The following CCSER1 variants were observed in gnomAD, a reference collection of about 807,000 sequenced individuals.
CCSER1 encodes the protein coiled-coil serine rich protein 1.
Under a neutral mutation model 82.0 loss-of-function variants are expected in CCSER1, and 41 were observed. The observed-to-expected ratio is 0.50, with a 90% CI of 0.39 to 0.65. The LOEUF is 0.65. Among genes scored for constraint, CCSER1 ranks in the 30% least tolerant of loss-of-function variants. CCSER1 has a pLI of 0.00. For synonymous variants in CCSER1, 414 were observed against 383.9 expected (o/e 1.08, Z -0.92); for missense variants, 1,119 against 1,064.2 (o/e 1.05, Z -0.72).
chr4:90,491,143 C>T (rs1445977545), intron 5 of CCSER1, among the ~76,000 whole-genome samples: 4 of 148,132 alleles, frequency 2.7e-5, no homozygotes, highest in Non-Finnish European at 5.9e-5. Context: ...TTGATTCTTC[C>T]TATCCATGAG....
chr4:90,845,902 A>T (rs1302274329), intron 8 of CCSER1, among the ~76,000 whole-genome samples: 1 of 151,938 alleles, frequency 6.6e-6, no homozygotes, highest in Admixed American at 6.6e-5. Context: ...ATTCTGCAGT[A>T]CATTTCCAAG....
At chr4:91,254,744 CAT>C (rs531156996) in intron 10 of CCSER1, among the ~76,000 whole-genome samples, 20 of 152,020 alleles carry the variant, frequency 1.3e-4, no homozygotes, top group African/African-American at 4.6e-4. Flanking sequence ...TGGGGGAAAA[CAT>C]AGTTAACTTT....
At chr4:90,377,543 C>G (rs1304036618) in intron 3 of CCSER1, among the ~76,000 whole-genome samples, 4 of 151,958 alleles carry the variant, frequency 2.6e-5, no homozygotes, top group Non-Finnish European at 4.4e-5. Context: ...ACAGTGGTCT[C>G]CAAGGAAAAT....
intron 6 of CCSER1, among the ~76,000 whole-genome samples, chr4:90,638,098 ATTGT>A (rs1051943338): frequency 1.3e-5 from 2 of 152,090 alleles, no homozygotes; most frequent in African/African-American, 4.8e-5. Flanking sequence ...TGAAATTTTA[ATTGT>A]TTGACTGTGA....
intron 10 of CCSER1, among the ~76,000 whole-genome samples, chr4:91,124,459 C>G (rs1379434722): frequency 1.3e-5 from 2 of 151,772 alleles, no homozygotes; most frequent in Non-Finnish European, 3.0e-5. Context: ...TCCTCATGAA[C>G]AGTTTCCATC....
intron 10 of CCSER1, among the ~76,000 whole-genome samples, chr4:91,313,461 G>T (rs1407801383): frequency 6.6e-6 from 1 of 151,588 alleles, no homozygotes; most frequent in East Asian, 2.0e-4. Context: ...ATACTCTCAA[G>T]ATTTCAAAAC....
intron 1 of CCSER1, among the ~76,000 whole-genome samples, chr4:90,187,557 T>A (rs1578391179): frequency 6.6e-6 from 1 of 151,280 alleles, no homozygotes; most frequent in Non-Finnish European, 1.5e-5. Flanking sequence ...AATTTTAGGG[T>A]TTTTTTGAGC....
At chr4:91,344,443 A>G (rs898184870) in intron 10 of CCSER1, among the ~76,000 whole-genome samples, 7 of 152,204 alleles carry the variant, frequency 4.6e-5, no homozygotes, top group Admixed American at 3.9e-4. Context: ...ATTTCTTCCA[A>G]TTTCTGATAT....
chr4:90,533,252 T>C (rs1305520086), intron 5 of CCSER1, among the ~76,000 whole-genome samples: 9 of 151,798 alleles, frequency 5.9e-5, no homozygotes, highest in Admixed American at 5.2e-4. Flanking sequence ...CCACCACGCC[T>C]GGCAACTTTT....
chr4:90,441,953 C>T lies in CCSER1; in HGVS notation c.1604-26281C>T, dbSNP rs572585259. On this transcript the variant is annotated intron_variant, in intron 4 of 10. Transcript: ENST00000509176. The stretch of plus-strand genomic sequence containing the variant: ...CCTGTATGACTGTTATTTAACAAGA[C>T]AATTTACTTGTTAGTCCTGTGGGAT... Among the ~76,000 whole-genome samples, 4 of 152,302 alleles carry T rather than the reference C, an allele frequency of 2.6e-5. No homozygotes were observed. The South Asian group carries it at 8.3e-4, about 32-fold the overall frequency.
At chr4:91,397,304 G>GA (rs1752049842) in intron 10 of CCSER1, among the ~76,000 whole-genome samples, 2 of 151,940 alleles carry the variant, frequency 1.3e-5, no homozygotes, top group African/African-American at 4.8e-5. Context: ...ACAGATATAA[G>GA]AAACAAACCA....
At chr4:90,487,023 T>G (rs1183720781) in intron 5 of CCSER1, among the ~76,000 whole-genome samples, 1 of 152,222 alleles carries the variant, frequency 6.6e-6, no homozygotes, top group Non-Finnish European at 1.5e-5. Flanking sequence ...GCAATTCTCC[T>G]GCCTCAGCCT....
At chr4:91,106,335 A>G (rs1048054149) in intron 10 of CCSER1, among the ~76,000 whole-genome samples, 1 of 152,204 alleles carries the variant, frequency 6.6e-6, no homozygotes, top group African/African-American at 2.4e-5. Flanking sequence ...AAGCCCAGGA[A>G]GCCAGAATTC....
Position 91,307,967 on chromosome 4 carries a change from G to A in CCSER1, c.2217+221973G>A, listed in dbSNP as rs1447753362. 6.1e-5 allele frequency among the ~76,000 whole-genome samples: 4 copies of A among 65,874 alleles called. No individual in the cohort carries two copies. In the East Asian group the frequency reaches 1.2e-3, roughly 21 times the overall value. The allele number at this position is 65,874 out of a possible 152,430, so 43.2% of individuals were successfully genotyped here. A position where few individuals can be genotyped will look rare whatever the true frequency, so the allele number is the denominator to read the frequency against. ...GTTTTCCTCATGATCTGAGAGCTACGAAATGCTTTAGCCAAGGATATTTTA... is the reference window on the plus strand; with the variant it reads ...GTTTTCCTCATGATCTGAGAGCTACAAAATGCTTTAGCCAAGGATATTTTA... On this transcript the variant is annotated intron_variant, in intron 10 of 10. Transcript: ENST00000509176.
intron 6 of CCSER1, among the ~76,000 whole-genome samples, chr4:90,682,628 T>C (rs1235704708): frequency 2.0e-5 from 3 of 152,046 alleles, no homozygotes. Context: ...ATAACTCCAC[T>C]AACCAAGGAT....
intron 10 of CCSER1, among the ~76,000 whole-genome samples, chr4:91,220,398 T>C (rs1407716394): frequency 6.6e-6 from 1 of 152,210 alleles, no homozygotes; most frequent in Non-Finnish European, 1.5e-5. Context: ...ATATAGTTAA[T>C]GGAACATTTA....
chr4:91,598,565 AC>A lies in CCSER1; in HGVS notation c.2218-5del. The stretch of plus-strand genomic sequence containing the variant: ...AGACATCTTTTTCTTTCTGTGTCTT[AC>A]CATAGGCTACATATCGAAATCGAAT... On this transcript the variant is annotated splice_polypyrimidine_tract_variant and splice_region_variant and intron_variant, in intron 10 of 10. Transcript: ENST00000509176. 2 of 1,543,208 alleles carry A rather than the reference AC, an allele frequency of 1.3e-6. No homozygotes were observed. Among genetic ancestry groups the A allele is most frequent in the South Asian group, 2.4e-5 (2 of 83,732 alleles).
intron 5 of CCSER1, among the ~76,000 whole-genome samples, chr4:90,484,631 G>A (rs1766680359): frequency 6.6e-6 from 1 of 152,154 alleles, no homozygotes; most frequent in African/African-American, 2.4e-5. Flanking sequence ...GTTTACTGGA[G>A]GTCCACTCCA....
intron 8 of CCSER1, among the ~76,000 whole-genome samples, chr4:90,851,235 A>C (rs1763848492): frequency 6.6e-6 from 1 of 152,332 alleles, no homozygotes; most frequent in Non-Finnish European, 1.5e-5. Flanking sequence ...AATACACCCC[A>C]GTCCGATGAA....
Sources: allele counts gnomAD v4.1 joint callset (sites outside exome capture counted in the v4.1 genomes callset), GRCh38; gene constraint gnomAD v4.1.1; transcripts MANE v1.5; gene names NCBI Gene and HGNC (gene_info 2026-07-23, HGNC 2026-07-21).